Variants in SRRM1 observed in about 807,000 individuals in gnomAD.
The protein encoded by SRRM1 is serine/arginine repetitive matrix protein 1.
In SRRM1, 19 loss-of-function variants were observed where a neutral mutation model predicts 110.2. That is an observed-to-expected ratio of 0.17 (90% CI 0.12 to 0.25). The LOEUF is 0.25. Ranked by LOEUF, SRRM1 falls within the 10% of genes least tolerant of loss-of-function variation. The pLI is 1.00. For synonymous variants in SRRM1, 443 were observed against 414.9 expected (o/e 1.07, Z -0.82); for missense variants, 918 against 1,145.8 (o/e 0.80, Z 2.87).
At chr1:24,666,609 T>A (rs1670109043) in intron 12 of SRRM1, 2 of 454,528 alleles carry the variant, frequency 4.4e-6, no homozygotes, top group Non-Finnish European at 8.2e-6. Context: ...AAAAATATTT[T>A]AAAAAATTAG....
In SRRM1 at chr1:24,655,131, T is replaced by TA. The variant is rs747930201; in HGVS notation, c.1315+7dup. On this transcript the variant is annotated splice_region_variant and intron_variant, in intron 9 of 16. Coordinates refer to ENST00000323848, the MANE Select transcript of SRRM1 (RefSeq NM_005839.4). The stretch of plus-strand genomic sequence containing the variant: ...CTCCAGGGAGAACTTCAGGTAAAGG[T>TA]AAAAATCAAACACATATGAAACATG... 6.2e-7 allele frequency: 1 copy of TA among 1,613,502 alleles called. No homozygotes were observed. The highest frequency in any genetic ancestry group is 1.1e-5 in the South Asian group (1 of 91,076).
At chr1:24,648,679 A>G (rs1292777658) in intron 3 of SRRM1, 180 bp from the exon 4 acceptor site, 1 of 537,760 alleles carries the variant, frequency 1.9e-6, no homozygotes, top group African/African-American at 1.9e-5. Context: ...TCTGTTAGAG[A>G]TTATATTGCT....
chr1:24,666,991 G>C, intron 13 of SRRM1, 66 bp downstream of exon 13: 4 of 934,490 alleles, frequency 4.3e-6, no homozygotes, highest in Non-Finnish European at 4.9e-6. Context: ...AACATCAGAT[G>C]AGTAATGGTG....
chr1:24,661,035 A>G (rs1330253729), intron 10 of SRRM1: 6 of 539,518 alleles, frequency 1.1e-5, no homozygotes, highest in Non-Finnish European at 2.0e-5. Context: ...AAATAGGGAC[A>G]GTAGAGGTTT....
In SRRM1 at chr1:24,666,798, A is replaced by G; in HGVS notation, c.1629-17A>G. On this transcript the variant is annotated splice_polypyrimidine_tract_variant and intron_variant, in intron 12 of 16. Coordinates refer to ENST00000323848, the MANE Select transcript of SRRM1 (RefSeq NM_005839.4). ...AAAAAAAAGAAAAAAAATTAACTAT[A>G]ATTCTTCTTGGTTTAGTGGTAGACG... 6.2e-7 allele frequency: 1 copy of G among 1,603,642 alleles called. No individual in the cohort carries two copies. Among genetic ancestry groups the G allele is most frequent in the Non-Finnish European group, 8.5e-7 (1 of 1,171,378 alleles).
chr1:24,672,116 T>G (rs1004931319), intron 16 of SRRM1, 66 bp from the exon 17 acceptor site: 9 of 1,252,836 alleles, frequency 7.2e-6, no homozygotes, highest in African/African-American at 1.5e-5. Context: ...ACTTTGATTC[T>G]GCTCTTTACT....
At chr1:24,664,606 T>A (rs892679917) in intron 12 of SRRM1, among the ~76,000 whole-genome samples, 1 of 152,216 alleles carries the variant, frequency 6.6e-6, no homozygotes, top group African/African-American at 2.4e-5. Context: ...CTGTGTTGTT[T>A]TAGGTAATCT....
chr1:24,652,048 A>ATATATATATATATATATATATG (rs1661154384), intron 6 of SRRM1, among the ~76,000 whole-genome samples: 1 of 132,492 alleles, frequency 7.5e-6, no homozygotes, highest in Non-Finnish European at 1.6e-5. Flanking sequence ...ATATATATAT[A>ATATATATATATATATATATATG]TATATATATA....
intron 1 of SRRM1, 25 bp from the exon 2 acceptor site, chr1:24,645,959 T>G (rs1657293562): frequency 6.2e-7 from 1 of 1,602,398 alleles, no homozygotes; most frequent in Non-Finnish European, 8.5e-7. Flanking sequence ...GAACCCTTAG[T>G]TAAGATGTGG....
At position 24,649,087 on chromosome 1, in the gene SRRM1, A is replaced by G. The variant is rs113934648; in HGVS notation, c.405+58A>G. The G allele has an allele frequency of 1.3e-4, 187 of 1,493,292 alleles. No individual in the cohort carries two copies. The African/African-American group carries it at 2.3e-3, about 18-fold the overall frequency. 92.5% of individuals were successfully genotyped at this position (1,493,292 alleles called of 1,614,324 possible). ...TGAGAGTATTGGCCAGGCTGCCGAG[A>G]CACCTTAGGTAGTATATGACTCAGC... On this transcript the variant is annotated intron_variant, in intron 4 of 16. Transcript: ENST00000323848.
chr1:24,651,357 C>G, intron 5 of SRRM1, 52 bp from the exon 6 acceptor site: 1 of 1,466,354 alleles, frequency 6.8e-7, no homozygotes, highest in Non-Finnish European at 9.5e-7. Context: ...TTTGACTCCT[C>G]TCTTCCAATC....
chr1:24,652,908 G>T lies in SRRM1; in HGVS notation c.921-5G>T. The T allele has an allele frequency of 6.2e-7, 1 of 1,613,192 alleles. No homozygotes were observed. The highest frequency in any genetic ancestry group is 1.1e-5 in the South Asian group (1 of 90,868). On this transcript the variant is annotated splice_polypyrimidine_tract_variant and splice_region_variant and intron_variant, in intron 7 of 16. Transcript: ENST00000323848. ...TTCAGGACCTAATTCTCTTTGTTAT[G>T]GCAGATCGTATTCACCTAGAAGGCG...
At position 24,668,072 on chromosome 1, in the gene SRRM1, AGCGATTCTCCT is replaced by A. The variant is rs369650957; in HGVS notation, c.1740-1048_1740-1038del. Among the ~76,000 whole-genome samples the A allele has an allele frequency of 1.3e-3, 191 of 146,552 alleles. 4 individuals carry two copies. The East Asian group carries it at 0.036, about 28-fold the overall frequency. ...CTGTAACCTCCGCCTCCTGGGTTCA[AGCGATTCTCCT>A]GCCTCAGCCTCCCGAGTAGCTGGGA... On this transcript the variant is annotated intron_variant, in intron 13 of 16. Coordinates refer to ENST00000323848, the MANE Select transcript of SRRM1 (RefSeq NM_005839.4).
chr1:24,660,775 A>C lies in SRRM1; in HGVS notation c.1372A>C (p.Arg458=), dbSNP rs1379931271. ...RESPSPAPKP[R]KVELSESEED... Reference sequence around the variant, plus strand: ...ATCCCCTTCACCAGCACCGAAGCCTAGAAAAGTAGAGTTATCTGAATCGGG... The same window carrying C: ...ATCCCCTTCACCAGCACCGAAGCCTCGAAAAGTAGAGTTATCTGAATCGGG... The change falls in exon 10 of 17, where the codon AGA becomes CGA. Residue 458 remains arginine, a synonymous_variant. Coordinates refer to ENST00000323848, the MANE Select transcript of SRRM1 (RefSeq NM_005839.4). 3 of 1,595,948 alleles carry C rather than the reference A, an allele frequency of 1.9e-6. No homozygotes were observed.
intron 11 of SRRM1, 45 bp downstream of exon 11, chr1:24,661,441 TA>T: frequency 1.4e-6 from 2 of 1,392,576 alleles, no homozygotes; most frequent in Non-Finnish European, 2.0e-6. Context: ...TATTTCCTAT[TA>T]AAAAATACTT....
chr1:24,662,800 C>T lies in SRRM1; in HGVS notation c.1624C>T (p.Pro542Ser), dbSNP rs769806931. The change falls in exon 12 of 17, where the codon CCT (proline) becomes TCT (serine). Residue 542 changes from proline to serine, a missense_variant. This residue lies in a region of SRRM1 where 357 missense variants were observed against 402.9 expected (regional missense o/e 0.89). Coordinates refer to ENST00000323848, the MANE Select transcript of SRRM1 (RefSeq NM_005839.4). ...ACGAAAGCGCCAAAAAGAGACTTCC[C>T]CTCGGTAACATCTTTGCTTCAGTGA... ...SPRKRQKETS[P>S]RGRRRRSPSP... 3 of 1,614,112 alleles carry T rather than the reference C, an allele frequency of 1.9e-6. No individual in the cohort carries two copies. Among genetic ancestry groups the T allele is most frequent in the Admixed American group, 1.7e-5 (1 of 60,016 alleles).
chr1:24,663,502 A>G (rs1369968583), intron 12 of SRRM1, among the ~76,000 whole-genome samples: 3 of 152,186 alleles, frequency 2.0e-5, no homozygotes, highest in Non-Finnish European at 2.9e-5. Context: ...ACTTACATCA[A>G]GCAGCACGCA....
At chr1:24,647,613 T>C (rs1382246995) in intron 3 of SRRM1, 1 of 152,684 alleles carries the variant, frequency 6.5e-6, no homozygotes, top group Non-Finnish European at 1.5e-5. Flanking sequence ...TTTGCATATA[T>C]ACCAATGTGA....
chr1:24,649,000 C>G lies in SRRM1; in HGVS notation c.376C>G (p.Leu126Val). ...GGGAATCCCTTCTGCTTTCCTAGAA[C>G]TGAAGAAAGAAGAAATAAAACAAAG... ...IAGIPSAFLELKKEEIKQRQI... is the reference protein window; with the variant it reads ...IAGIPSAFLEVKKEEIKQRQI... The change falls in exon 4 of 17, where the codon CTG becomes GTG. Residue 126 changes from leucine (L) to valine (V), a missense_variant. By Grantham distance (32) the Leu-to-Val change is conservative. Coordinates refer to ENST00000323848, the MANE Select transcript of SRRM1 (RefSeq NM_005839.4). The G allele has an allele frequency of 6.2e-7, 1 of 1,612,660 alleles. No individual in the cohort carries two copies. The highest frequency in any genetic ancestry group is 8.5e-7 in the Non-Finnish European group (1 of 1,179,678).
Sources: gnomAD v4.1 joint callset for allele counts (sites outside exome capture counted in the v4.1 genomes callset) on GRCh38, gnomAD v4.1.1 for gene constraint, gnomAD v4.1.1 regional missense constraint, MANE v1.5 for transcripts, NCBI Gene and HGNC (gene_info 2026-07-23, HGNC 2026-07-21) for gene names.